UBE2B: variants seen among roughly 807,000 people sequenced by gnomAD.
UBE2B encodes ubiquitin-conjugating enzyme E2 B.
In UBE2B, 11 loss-of-function variants were observed where a neutral mutation model predicts 24.6. That is an observed-to-expected ratio of 0.45 (90% CI 0.28 to 0.74). The LOEUF is 0.74. Among genes scored for constraint, UBE2B ranks in the 30% least tolerant of loss-of-function variants. The pLI is 0.13. For synonymous variants in UBE2B, 68 were observed against 62.4 expected (o/e 1.09, Z -0.42); for missense variants, 78 against 185.6 (o/e 0.42, Z 3.37).
intron 5 of UBE2B, 123 bp downstream of exon 5, chr5:134,388,536 C>G (rs1009429690): frequency 1.2e-6 from 1 of 856,014 alleles, no homozygotes; most frequent in Non-Finnish European, 2.0e-6. Flanking sequence ...GCTAACTTTT[C>G]TCTTTCAGTA....
chr5:134,383,217 T>C (rs1293452505), intron 4 of UBE2B, among the ~76,000 whole-genome samples: 1 of 152,226 alleles, frequency 6.6e-6, no homozygotes, highest in East Asian at 1.9e-4. Context: ...TTCTGTTACA[T>C]AGATTTATCA....
intron 2 of UBE2B, among the ~76,000 whole-genome samples, chr5:134,376,348 A>AAAAATATATATAT (rs1554114145): frequency 6.3e-4 from 3 of 4,774 alleles, no homozygotes; most frequent in African/African-American, 1.3e-3. Context: ...AAAAAAAAAA[A>AAAAATATATATAT]ATATATATAT....
chr5:134,376,930 G>C (rs1040880411), intron 3 of UBE2B, among the ~76,000 whole-genome samples: 4 of 152,146 alleles, frequency 2.6e-5, no homozygotes, highest in Non-Finnish European at 2.9e-5. Flanking sequence ...TGTAAGCCTG[G>C]ATGGCAGTGT....
At chr5:134,383,403 G>A (rs371441919) in intron 4 of UBE2B, among the ~76,000 whole-genome samples, 2 of 151,010 alleles carry the variant, frequency 1.3e-5, no homozygotes, top group African/African-American at 4.9e-5. Context: ...ATTACCTCCC[G>A]GGTTCAAGTG....
intron 1 of UBE2B, among the ~76,000 whole-genome samples, chr5:134,374,123 C>T (rs533120793): frequency 6.6e-6 from 1 of 152,282 alleles, no homozygotes; most frequent in South Asian, 2.1e-4. Flanking sequence ...TGTTCCTATG[C>T]ATCAATTCTT....
chr5:134,386,463 C>G (rs1030471950), intron 4 of UBE2B, among the ~76,000 whole-genome samples: 1 of 152,028 alleles, frequency 6.6e-6, no homozygotes, highest in African/African-American at 2.4e-5. Flanking sequence ...AAAACCCCGT[C>G]TCTACTAAAA....
At chr5:134,381,777 C>G (rs1284354121) in intron 4 of UBE2B, among the ~76,000 whole-genome samples, 1 of 152,136 alleles carries the variant, frequency 6.6e-6, no homozygotes, top group Non-Finnish European at 1.5e-5. Context: ...AACCCCATCA[C>G]TACTAAAAAT....
At chr5:134,388,258 G>A in intron 4 of UBE2B, 67 bp from the exon 5 acceptor site, 1 of 1,328,604 alleles carries the variant, frequency 7.5e-7, no homozygotes, top group East Asian at 2.3e-5. Context: ...CATTCTGTTT[G>A]GTAAAGATTT....
chr5:134,383,427 A>G (rs1758742816), intron 4 of UBE2B, among the ~76,000 whole-genome samples: 1 of 147,972 alleles, frequency 6.8e-6, no homozygotes, highest in Non-Finnish European at 1.5e-5. Flanking sequence ...CTCTTGCCTC[A>G]GCCTCCTGAG....
chr5:134,382,916 T>G (rs1012527648), intron 4 of UBE2B, among the ~76,000 whole-genome samples: 2 of 152,028 alleles, frequency 1.3e-5, no homozygotes, highest in African/African-American at 4.8e-5. Context: ...CCTGTAATCC[T>G]AGCACTTTGG....
Position 134,380,788 on chromosome 5 carries a change from C to G in UBE2B, c.221C>G (p.Ser74Cys). 6.3e-7 allele frequency: 1 copy of G among 1,594,492 alleles called. No individual in the cohort carries two copies. The highest frequency in any genetic ancestry group is 8.6e-7 in the Non-Finnish European group (1 of 1,163,066). The part of the protein sequence containing the change: ...PNKPPTVRFL[S>C]KMFHPNVYAD... ...AAACCACCAACTGTTAGGTTTTTAT[C>G]CAAAATGTTTCATCCAAATGGTAAG... Residue 74 changes from serine (S) to cysteine (C), a missense_variant, in exon 4 of 6, where the codon TCC becomes TGC. Ser to Cys is a moderately radical substitution (Grantham distance 112). Transcript: ENST00000265339.
At chr5:134,385,739 C>G (rs1758788116) in intron 4 of UBE2B, 1 of 152,090 alleles carries the variant, frequency 6.6e-6, no homozygotes, top group South Asian at 2.1e-4. Context: ...ATAGGCCAGG[C>G]ACGGTGGCCC....
At chr5:134,380,074 G>A (rs1379674317) in intron 3 of UBE2B, among the ~76,000 whole-genome samples, 2 of 151,964 alleles carry the variant, frequency 1.3e-5, no homozygotes, top group Non-Finnish European at 2.9e-5. Context: ...CCCATACCCA[G>A]CTCATTTTTG....
At position 134,390,450 on chromosome 5, in the gene UBE2B, A is replaced by T. The variant is rs533915959; in HGVS notation, c.*97A>T. On this transcript the variant is annotated 3_prime_UTR_variant, in exon 6 of 6. Coordinates refer to ENST00000265339, the MANE Select transcript of UBE2B (RefSeq NM_003337.4). The surrounding 1 kb of genome is among the most constrained non-coding windows in gnomAD (Gnocchi z 4.6). ...ATTTTAAGTGCCACAGGTTTTAAGG[A>T]TTCTGCAGAAAAAAAAGAAAAAAGT... 11 of 1,495,496 alleles carry T rather than the reference A, an allele frequency of 7.4e-6. No individual in the cohort carries two copies. The African/African-American group carries it at 1.4e-4, about 19-fold the overall frequency. The allele number at this position is 1,495,496 out of a possible 1,614,324, so 92.6% of individuals were successfully genotyped here.
Position 134,383,473 on chromosome 5 carries a change from CTTTTTT to C in UBE2B, c.241+2687_241+2692del, listed in dbSNP as rs747399191. Among the ~76,000 whole-genome samples, 111 of 80,042 alleles carry C rather than the reference CTTTTTT, an allele frequency of 1.4e-3. 1 individual carries two copies. Among genetic ancestry groups the C allele is most frequent in the African/African-American group, 5.6e-3 (104 of 18,440 alleles). 52.5% of individuals were successfully genotyped at this position (80,042 alleles called of 152,430 possible). A position where few individuals can be genotyped will look rare whatever the true frequency, so the allele number is the denominator to read the frequency against. ...TGCAGATGTGTGCCACCATACCCAGCTTTTTTTTTTTTTTTTTTTTTTTTTTTGAGA... is the reference window on the plus strand; with the variant it reads ...TGCAGATGTGTGCCACCATACCCAGCTTTTTTTTTTTTTTTTTTTTTGAGA... On this transcript the variant is annotated intron_variant, in intron 4 of 5. Coordinates refer to ENST00000265339, the MANE Select transcript of UBE2B (RefSeq NM_003337.4).
At chr5:134,380,955 ATTTTT>A (rs1186834088) in intron 4 of UBE2B, 147 bp downstream of exon 4, 1,103 of 153,118 alleles carry the variant, frequency 7.2e-3, no homozygotes, top group South Asian at 0.01. Flanking sequence ...TTTGTTGTGG[ATTTTT>A]TTTTTTTTTT....
At chr5:134,374,000 A>T (rs1653280753) in intron 1 of UBE2B, among the ~76,000 whole-genome samples, 1 of 152,210 alleles carries the variant, frequency 6.6e-6, no homozygotes, top group Admixed American at 6.5e-5. Flanking sequence ...GTATATACCC[A>T]GTAATGGGAT....
chr5:134,377,700 C>A (rs944532872), intron 3 of UBE2B, among the ~76,000 whole-genome samples: 3 of 151,906 alleles, frequency 2.0e-5, no homozygotes, highest in African/African-American at 7.3e-5. Context: ...ATCCATAAAC[C>A]CCTTGGGGTC....
At chr5:134,386,109 C>G (rs1463290893) in intron 4 of UBE2B, among the ~76,000 whole-genome samples, 1 of 150,132 alleles carries the variant, frequency 6.7e-6, no homozygotes, top group Non-Finnish European at 1.5e-5. Context: ...GGCAGATCAC[C>G]TGAGGTCAGG....
Sources: gnomAD v4.1 joint callset for allele counts (sites outside exome capture counted in the v4.1 genomes callset) on GRCh38, gnomAD v4.1.1 for gene constraint, Gnocchi (gnomAD v3.1) non-coding constraint, MANE v1.5 for transcripts, NCBI Gene and HGNC (gene_info 2026-07-23, HGNC 2026-07-21) for gene names.